The following KCNMA1 variants were observed in gnomAD, a reference collection of about 807,000 sequenced individuals.
The protein encoded by KCNMA1 is potassium calcium-activated channel subfamily M alpha 1.
KCNMA1 carries 29 observed loss-of-function variants against 140.0 expected under a neutral mutation model. The observed-to-expected ratio is 0.21, with a 90% CI of 0.15 to 0.28. KCNMA1 has a LOEUF of 0.28. KCNMA1 is among the 10% of genes least tolerant of loss of function. The pLI is 1.00. For missense variants in KCNMA1, 880 were observed against 1,602.2 expected, an observed-to-expected ratio of 0.55 and a Z score of 7.70; for synonymous variants, 612 against 611.9, an observed-to-expected ratio of 1.00 and a Z score of 0.00.
At chr10:77,496,863 A>G (rs1309444241) in intron 1 of KCNMA1, among the ~76,000 whole-genome samples, 3 of 152,136 alleles carry the variant, frequency 2.0e-5, no homozygotes, top group Non-Finnish European at 4.4e-5. Flanking sequence ...GTGTCCCACA[A>G]GTACTTCAAA....
intron 5 of KCNMA1, 75 bp from the exon 6 acceptor site, chr10:77,121,123 T>A (rs1564656928): frequency 1.0e-6 from 1 of 986,612 alleles, no homozygotes; most frequent in East Asian, 2.4e-5. Flanking sequence ...CCATTTGATT[T>A]ACAGTTCCCA....
intron 1 of KCNMA1, among the ~76,000 whole-genome samples, chr10:77,506,838 AGAGTGTGT>A (rs1421130225): frequency 1.3e-4 from 16 of 123,868 alleles, no homozygotes; most frequent in African/African-American, 5.1e-4. Context: ...AGAGAGAGAG[AGAGTGTGT>A]GTGTGTGTGT....
At chr10:77,490,349 A>G (rs1201128412) in intron 1 of KCNMA1, among the ~76,000 whole-genome samples, 2 of 152,128 alleles carry the variant, frequency 1.3e-5, no homozygotes, top group African/African-American at 4.8e-5. Context: ...ACTCCCCTCA[A>G]CCTCATTCCA....
chr10:77,545,589 C>T (rs1207423269), intron 1 of KCNMA1, among the ~76,000 whole-genome samples: 1 of 152,200 alleles, frequency 6.6e-6, no homozygotes, highest in African/African-American at 2.4e-5. Flanking sequence ...CCAGGAGCCA[C>T]AAGGCAGTGG....
intron 2 of KCNMA1, among the ~76,000 whole-genome samples, chr10:77,324,940 A>ACTCTCTCTCTCTCTCTCTCTCTCT (rs3068755): frequency 1.1e-5 from 1 of 93,414 alleles, no homozygotes; most frequent in Non-Finnish European, 2.6e-5. Context: ...ATAGCTCTAG[A>ACTCTCTCTCTCTCTCTCTCTCTCT]CTCTCTCTCT....
rs191453038 is a variant in KCNMA1, at chr10:76,998,971, C to T, written c.2266+2436G>A. The stretch of plus-strand genomic sequence containing the variant: ...GTTTGATGGAGTGATGACGGCAGGA[C>T]GACTGATGAAACGGAGAAGGCAAAT... On this transcript the variant is annotated intron_variant, in intron 19 of 27. Transcript: ENST00000286628. Among the ~76,000 whole-genome samples the T allele has an allele frequency of 2.1e-4, 32 of 152,282 alleles. No individual in the cohort carries two copies. In the East Asian group the frequency reaches 2.7e-3, roughly 13 times the overall value.
chr10:76,883,028 C>T (rs2035289935), downstream of KCNMA1, among the ~76,000 whole-genome samples: 1 of 152,178 alleles, frequency 6.6e-6, no homozygotes, highest in Non-Finnish European at 1.5e-5. Flanking sequence ...GGGATGCAGA[C>T]ACCTTTAGGC....
At position 77,154,872 on chromosome 10, in the gene KCNMA1, T is replaced by C. The variant is rs549200197; in HGVS notation, c.808+28549A>G. ...AAATTGCTTCAAGCAAATGCTTGTA[T>C]AAATTGCTATAAAACACACAAATTC... On this transcript the variant is annotated intron_variant, in intron 5 of 27. Transcript: ENST00000286628. Among the ~76,000 whole-genome samples, 5 of 152,372 alleles carry C rather than the reference T, an allele frequency of 3.3e-5. No homozygotes were observed. The East Asian group carries it at 5.8e-4, about 18-fold the overall frequency.
chr10:77,494,680 G>T (rs150894650), intron 1 of KCNMA1, among the ~76,000 whole-genome samples: 6 of 152,180 alleles, frequency 3.9e-5, no homozygotes, highest in African/African-American at 1.4e-4. Flanking sequence ...AATGGGATCC[G>T]GGAAGCTTGG....
At chr10:77,117,972 C>T (rs1311096951) in intron 6 of KCNMA1, among the ~76,000 whole-genome samples, 5 of 152,220 alleles carry the variant, frequency 3.3e-5, no homozygotes, top group Non-Finnish European at 5.9e-5. Context: ...ATTCTTAATT[C>T]TTTATCAATC....
At chr10:77,087,699 T>C (rs2096724927) in intron 10 of KCNMA1, among the ~76,000 whole-genome samples, 1 of 152,202 alleles carries the variant, frequency 6.6e-6, no homozygotes, top group Admixed American at 6.5e-5. Flanking sequence ...ATTAAACAAG[T>C]GACCTATTTA....
intron 6 of KCNMA1, among the ~76,000 whole-genome samples, chr10:77,117,561 A>AAAAAAAAAG (rs1554837398): frequency 1.4e-5 from 2 of 147,544 alleles, no homozygotes; most frequent in African/African-American, 5.2e-5. Context: ...AAAAAAAAAA[A>AAAAAAAAAG]AAAAGAAAAG....
At chr10:77,212,503 C>T (rs760024806) in intron 3 of KCNMA1, among the ~76,000 whole-genome samples, 9 of 152,116 alleles carry the variant, frequency 5.9e-5, no homozygotes, top group Non-Finnish European at 1.2e-4. Context: ...ACTATGCTCG[C>T]TACCTGGGTG....
intron 1 of KCNMA1, among the ~76,000 whole-genome samples, chr10:77,627,856 G>C (rs529106881): frequency 1.3e-5 from 2 of 152,358 alleles, no homozygotes; most frequent in South Asian, 4.1e-4. Flanking sequence ...CAGCACTGGG[G>C]AGGAATCGCA....
At chr10:77,394,919 C>T (rs987024513) in intron 2 of KCNMA1, among the ~76,000 whole-genome samples, 3 of 152,186 alleles carry the variant, frequency 2.0e-5, no homozygotes, top group African/African-American at 7.2e-5. Flanking sequence ...TAGCTTCTTA[C>T]AGAAGCAGCC....
At chr10:77,101,052 G>A (rs1451586362) in intron 9 of KCNMA1, among the ~76,000 whole-genome samples, 1 of 152,000 alleles carries the variant, frequency 6.6e-6, no homozygotes, top group Non-Finnish European at 1.5e-5. Flanking sequence ...AGTATTATCA[G>A]GAAATTGATT....
At chr10:77,274,982 C>T (rs1237037542) in intron 2 of KCNMA1, among the ~76,000 whole-genome samples, 1 of 152,222 alleles carries the variant, frequency 6.6e-6, no homozygotes, top group Non-Finnish European at 1.5e-5. Context: ...CCTCCTGTTG[C>T]CTCCTGCAGC....
intron 1 of KCNMA1, among the ~76,000 whole-genome samples, chr10:77,539,569 G>A (rs1333915507): frequency 1.3e-5 from 2 of 152,114 alleles, no homozygotes; most frequent in African/African-American, 2.4e-5. Context: ...ATCCCCAGGT[G>A]TCCCCACCAA....
chr10:77,017,762 G>A (rs1409697719), intron 17 of KCNMA1, among the ~76,000 whole-genome samples: 1 of 152,106 alleles, frequency 6.6e-6, no homozygotes, highest in African/African-American at 2.4e-5. Context: ...CCAACTTCCT[G>A]GCTTTATTCC....
Sources: gnomAD v4.1 joint callset for allele counts (sites outside exome capture counted in the v4.1 genomes callset) on GRCh38, gnomAD v4.1.1 for gene constraint, MANE v1.5 for transcripts, NCBI Gene and HGNC (gene_info 2026-07-23, HGNC 2026-07-21) for gene names.